Variants in CLCA4 observed in about 807,000 individuals in gnomAD.
CLCA4 encodes the protein chloride channel accessory 4.
Under a neutral mutation model 78.9 loss-of-function variants are expected in CLCA4, and 69 were observed. The ratio of observed to expected loss-of-function variants is 0.87; its 90% CI spans 0.72 to 1.07. The LOEUF (loss-of-function observed/expected upper bound fraction) is 1.07, where lower values mean the gene tolerates loss of function less well. Among genes scored for constraint, CLCA4 ranks in the 50% least tolerant of loss-of-function variants. The probability of loss-of-function intolerance (pLI) is 0.00; values close to 1 mark genes in which losing one functional copy is unlikely to be tolerated. For synonymous variants in CLCA4, 362 were observed against 375.8 expected (o/e 0.96, Z 0.42); for missense variants, 1,133 against 1,095.8 (o/e 1.03, Z -0.48).
chr1:86,557,006 T>C (rs1025535342), intron 1 of CLCA4, among the ~76,000 whole-genome samples: 1 of 152,186 alleles, frequency 6.6e-6, no homozygotes, highest in African/African-American at 2.4e-5. Context: ...TAGTTTCTGA[T>C]GGTTATTTTT....
chr1:86,562,130 G>C (rs922395611), intron 3 of CLCA4, among the ~76,000 whole-genome samples: 1 of 152,080 alleles, frequency 6.6e-6, no homozygotes, highest in African/African-American at 2.4e-5. Context: ...AATGTTACTA[G>C]AAATAGGAAC....
chr1:86,549,440 G>A (rs946822679), intron 1 of CLCA4, among the ~76,000 whole-genome samples: 2 of 152,182 alleles, frequency 1.3e-5, no homozygotes, highest in Non-Finnish European at 2.9e-5. Flanking sequence ...GGAGGATTCT[G>A]AGCAGAGAAG....
In CLCA4 at chr1:86,547,162, C is replaced by T. The variant is rs1042039274; in HGVS notation, c.43C>T (p.Leu15=). 7 of 1,611,258 alleles carry T rather than the reference C, an allele frequency of 4.3e-6. No homozygotes were observed. The highest frequency in any genetic ancestry group is 2.7e-5 in the African/African-American group (2 of 74,204). ...RGFVFLLVLC[L]LHQSNTSFIK... ...TTTTGTTTTCCTCTTAGTTCTGTGCCTGCTGCACCAGTCAAATACTTCCTT... is the reference window on the plus strand; with the variant it reads ...TTTTGTTTTCCTCTTAGTTCTGTGCTTGCTGCACCAGTCAAATACTTCCTT... The change falls in exon 1 of 14, where the codon CTG becomes TTG. Residue 15 remains leucine (L), a synonymous_variant. Transcript: ENST00000370563.
At chr1:86,577,340 A>G (rs1006881255) in intron 11 of CLCA4, among the ~76,000 whole-genome samples, 2 of 152,098 alleles carry the variant, frequency 1.3e-5, no homozygotes, top group Admixed American at 6.6e-5. Flanking sequence ...AAACTTTAGT[A>G]TGCAAAGGAA....
intron 5 of CLCA4, 92 bp downstream of exon 5, chr1:86,565,543 A>G: frequency 1.0e-6 from 1 of 988,714 alleles, no homozygotes; most frequent in African/African-American, 1.6e-5. Flanking sequence ...TGAGGATTAT[A>G]TATATTGATA....
At chr1:86,549,012 T>A (rs1442623988) in intron 1 of CLCA4, among the ~76,000 whole-genome samples, 1 of 152,202 alleles carries the variant, frequency 6.6e-6, no homozygotes, top group African/African-American at 2.4e-5. Context: ...AGCAGTAAAA[T>A]TTTTTTAAAG....
Position 86,567,533 on chromosome 1 carries a change from T to C in CLCA4, c.1064T>C (p.Ile355Thr), listed in dbSNP as rs1650237993. The C allele has an allele frequency of 1.2e-6, 2 of 1,613,082 alleles. No homozygotes were observed. Among genetic ancestry groups the C allele is most frequent in the Middle Eastern group, 1.6e-4 (1 of 6,084 alleles). ...GTTCACTTTGATAGTACTGCCACTA[T>C]TGTAAATAAGCTAATCCAAATAAAA... Reference protein sequence around the residue: ...GMVHFDSTATIVNKLIQIKSS... With the variant: ...GMVHFDSTATTVNKLIQIKSS... Residue 355 changes from isoleucine (I) to threonine (T), a missense_variant, in exon 7 of 14, where the codon ATT (isoleucine) becomes ACT (threonine). Transcript: ENST00000370563.
chr1:86,565,639 T>A (rs2231590), intron 5 of CLCA4, among the ~76,000 whole-genome samples, 163 bp from the exon 6 acceptor site: 1 of 152,128 alleles, frequency 6.6e-6, no homozygotes, highest in Non-Finnish European at 1.5e-5. Context: ...ACCATAATTC[T>A]TATTATGGTA....
chr1:86,552,874 A>C, intron 1 of CLCA4: 1 of 718,292 alleles, frequency 1.4e-6, no homozygotes, highest in Non-Finnish European at 2.5e-6. Context: ...GATTTGCGAA[A>C]GCTTCCTCTG....
chr1:86,556,187 C>T (rs542888877), intron 1 of CLCA4, among the ~76,000 whole-genome samples: 1 of 152,058 alleles, frequency 6.6e-6, no homozygotes, highest in Non-Finnish European at 1.5e-5. Flanking sequence ...ATTTGGATGC[C>T]CTTTATTTAT....
chr1:86,549,559 G>A (rs899413939), intron 1 of CLCA4, among the ~76,000 whole-genome samples: 23 of 152,330 alleles, frequency 1.5e-4, no homozygotes, highest in African/African-American at 4.6e-4. Flanking sequence ...GCTTACTGGT[G>A]TAGAAGGACC....
rs1457155623 is a variant in CLCA4 at position 86,567,617 on chromosome 1, C to A, written c.1148C>A (p.Thr383Asn). The A allele has an allele frequency of 1.2e-6, 2 of 1,612,288 alleles. No individual in the cohort carries two copies. Among genetic ancestry groups the A allele is most frequent in the African/African-American group, 1.3e-5 (1 of 74,848 alleles). The change falls in exon 7 of 14, where the codon ACT becomes AAT. Residue 383 changes from threonine to asparagine, a missense_variant. Physicochemically the swap from Thr to Asn is moderately conservative, Grantham distance 65. Transcript: ENST00000370563. ...TTACCTACATATCCTCTGGGAGGAA[C>A]TTCCATCTGCTCTGGAATTAAATAT... ...AGLPTYPLGG[T>N]SICSGIKYAF...
Position 86,552,992 on chromosome 1 carries a change from C to A in CLCA4, c.159+5714C>A. 3 of 622,306 alleles carry A rather than the reference C, an allele frequency of 4.8e-6. No individual in the cohort carries two copies. In the South Asian group the frequency reaches 5.6e-5, roughly 12 times the overall value. The allele number at this position is 622,306 out of a possible 1,614,324, so 38.5% of individuals were successfully genotyped here. ...TTAGAAACTGAGCCCTGTGCGTGGC[C>A]GTCTCCCAAGCCAGAGGCAGGACGT... On this transcript the variant is annotated intron_variant, in intron 1 of 13. Transcript: ENST00000370563.
chr1:86,560,471 C>G, intron 3 of CLCA4, 113 bp downstream of exon 3: 1 of 1,027,762 alleles, frequency 9.7e-7, no homozygotes. Context: ...TCCTGGCTCC[C>G]CTACTTACTA....
rs1277275803 is a variant in CLCA4, at chr1:86,563,690, C to T, written c.478C>T (p.Leu160Phe). ...GKLFVHEWAH[L>F]RWGVFDEYNE... ...ACTGTTTGTCCATGAGTGGGCTCAC[C>T]TCCGGTGGGGAGTGTTTGATGAGTA... The change falls in exon 4 of 14, where the codon CTC (leucine) becomes TTC (phenylalanine). Residue 160 changes from leucine to phenylalanine, a missense_variant. By Grantham distance (22) the Leu-to-Phe change is conservative. Coordinates refer to ENST00000370563, the MANE Select transcript of CLCA4 (RefSeq NM_012128.4). The T allele has an allele frequency of 1.2e-6, 2 of 1,600,050 alleles. No individual in the cohort carries two copies. Among genetic ancestry groups the T allele is most frequent in the East Asian group, 4.5e-5 (2 of 44,230 alleles).
At chr1:86,571,732 G>A (rs1650357506) in intron 8 of CLCA4, among the ~76,000 whole-genome samples, 1 of 151,986 alleles carries the variant, frequency 6.6e-6, no homozygotes, top group African/African-American at 2.4e-5. Flanking sequence ...ATAAGTTGTG[G>A]GGTGGGTGTA....
intron 1 of CLCA4, among the ~76,000 whole-genome samples, chr1:86,556,008 G>T (rs1056755962): frequency 5.9e-5 from 9 of 152,162 alleles, no homozygotes; most frequent in African/African-American, 2.2e-4. Context: ...GGACTTAGCT[G>T]TCATTGGTGT....
At position 86,565,782 on chromosome 1, in the gene CLCA4, T is replaced by G; in HGVS notation, c.736-20T>G. 4 of 1,372,914 alleles carry G rather than the reference T, an allele frequency of 2.9e-6. No homozygotes were observed. The highest frequency in any genetic ancestry group is 2.9e-6 in the Non-Finnish European group (3 of 1,031,108). The allele number at this position is 1,372,914 out of a possible 1,614,324, so 85.0% of individuals were successfully genotyped here. ...ATGCATGGTATATTAAAATTATTTT[T>G]TATTTTATTAACCTTTTAGGTTGTT... On this transcript the variant is annotated intron_variant, in intron 5 of 13. Transcript: ENST00000370563.
intron 10 of CLCA4, among the ~76,000 whole-genome samples, 160 bp downstream of exon 10, chr1:86,574,915 G>A (rs1189896904): frequency 6.6e-6 from 1 of 151,822 alleles, no homozygotes. Context: ...TATGATGGTA[G>A]GAAAAAAGAA....
Sources: gnomAD v4.1 joint callset for allele counts (sites outside exome capture counted in the v4.1 genomes callset) on GRCh38, gnomAD v4.1.1 for gene constraint, MANE v1.5 for transcripts, NCBI Gene and HGNC (gene_info 2026-07-23, HGNC 2026-07-21) for gene names.